IFT172: variants seen among roughly 807,000 people sequenced by gnomAD.
IFT172 encodes the protein intraflagellar transport 172.
IFT172 carries 164 observed loss-of-function variants against 248.9 expected under a neutral mutation model. The observed-to-expected ratio is 0.66, with a 90% CI of 0.58 to 0.75. The LOEUF (loss-of-function observed/expected upper bound fraction) is 0.75, where lower values mean the gene tolerates loss of function less well. Ranked by LOEUF, IFT172 falls within the 30% of genes least tolerant of loss-of-function variation. The pLI is 0.00. For missense variants in IFT172, 1,950 were observed against 2,192.4 expected, an observed-to-expected ratio of 0.89 and a Z score of 2.21; for synonymous variants, 729 against 791.6, an observed-to-expected ratio of 0.92 and a Z score of 1.33.
At chr2:27,472,061 T>G in intron 15 of IFT172, 189 bp downstream of exon 15, 3 of 562,898 alleles carry the variant, frequency 5.3e-6, no homozygotes, top group Non-Finnish European at 9.5e-6. Context: ...AAAGAGGTAA[T>G]AAAGGATGGG....
In IFT172 at chr2:27,481,208, T is replaced by C. The variant is rs771817287; in HGVS notation, c.623A>G (p.Asn208Ser). ...CPPYALAWAT[N>S]SIVAAGCDRK... ...ATCACAGCCTGCAGCCACGATGCTA[T>C]TGGTTGCCCATGCCAAGGCATAGGG... The change falls in exon 8 of 48, where the codon AAT becomes AGT. Residue 208 changes from asparagine to serine, a missense_variant. Coordinates refer to ENST00000260570, the MANE Select transcript of IFT172 (RefSeq NM_015662.3). 28 of 1,612,730 alleles carry C rather than the reference T, an allele frequency of 1.7e-5. No individual in the cohort carries two copies. The highest frequency in any genetic ancestry group is 3.9e-4 in the Middle Eastern group (2 of 5,086).
chr2:27,485,969 T>G (rs1668744956), intron 1 of IFT172, among the ~76,000 whole-genome samples: 1 of 152,164 alleles, frequency 6.6e-6, no homozygotes, highest in African/African-American at 2.4e-5. Context: ...AAAAGTCCTA[T>G]TAAAGTATGT....
chr2:27,453,959 T>C, intron 33 of IFT172, 23 bp downstream of exon 33: 16 of 1,597,114 alleles, frequency 1.0e-5, no homozygotes, highest in Non-Finnish European at 1.4e-5. Context: ...CCTCCCCTCA[T>C]GGCCCTGCAT....
At chr2:27,478,639 T>C (rs1668136210) in intron 10 of IFT172, among the ~76,000 whole-genome samples, 2 of 152,254 alleles carry the variant, frequency 1.3e-5, no homozygotes, top group African/African-American at 4.8e-5. Flanking sequence ...CTGTGTCCTC[T>C]GTTATAATGA....
intron 1 of IFT172, 88 bp from the exon 2 acceptor site, chr2:27,485,591 T>TG: frequency 6.8e-7 from 1 of 1,465,044 alleles, no homozygotes; most frequent in Non-Finnish European, 9.3e-7. Flanking sequence ...AGTGTAATAC[T>TG]GGTCAATTTT....
At chr2:27,452,145 C>G (rs1665735052) in intron 35 of IFT172, among the ~76,000 whole-genome samples, 1 of 152,092 alleles carries the variant, frequency 6.6e-6, no homozygotes, top group East Asian at 1.9e-4. Flanking sequence ...GCAAATTGCC[C>G]TCTCTACTGT....
Position 27,455,146 on chromosome 2 carries a change from C to T in IFT172, c.3372-486G>A. On this transcript the variant is annotated intron_variant, in intron 30 of 47. Coordinates refer to ENST00000260570, the MANE Select transcript of IFT172 (RefSeq NM_015662.3). The stretch of plus-strand genomic sequence containing the variant: ...CTTTGCTCTTTTGGCTATCTTTCTG[C>T]ACCGCCGCAATAGTGCGCATGAATG... 3 of 271,376 alleles carry T rather than the reference C, an allele frequency of 1.1e-5. No individual in the cohort carries two copies. The South Asian group carries it at 1.2e-4, about 10-fold the overall frequency. The allele number at this position is 271,376 out of a possible 1,614,324, so 16.8% of individuals were successfully genotyped here. A position where few individuals can be genotyped will look rare whatever the true frequency, so the allele number is the denominator to read the frequency against.
chr2:27,463,527 CTCT>C (rs1421752114), intron 18 of IFT172, among the ~76,000 whole-genome samples: 8 of 134,548 alleles, frequency 5.9e-5, no homozygotes, highest in Non-Finnish European at 6.3e-5. Context: ...TGATTCTTTT[CTCT>C]TTTTTTTTTT....
Position 27,483,346 on chromosome 2 carries a change from A to T in IFT172, c.513T>A (p.His171Gln). Reference protein sequence around the residue: ...NCSGKGILSGHADGTIVRYFF... With the variant: ...NCSGKGILSGQADGTIVRYFF... ...AATACCTAACGATGGTACCATCTGC[A>T]TGACCAGAGAGAATTCCTTTCCCAG... The change falls in exon 7 of 48, where the codon CAT becomes CAA. Residue 171 changes from histidine to glutamine, a missense_variant. By Grantham distance (24) the His-to-Gln change is conservative. Transcript: ENST00000260570. The T allele has an allele frequency of 1.2e-6, 2 of 1,607,936 alleles. No homozygotes were observed. Among genetic ancestry groups the T allele is most frequent in the Non-Finnish European group, 1.7e-6 (2 of 1,174,344 alleles).
Position 27,478,083 on chromosome 2 carries a change from AC to A in IFT172, c.1078del (p.Val360Ter), listed in dbSNP as rs1453282096. 1.9e-6 allele frequency: 3 copies of A among 1,613,942 alleles called. No individual in the cohort carries two copies. In the Admixed American group the frequency reaches 5.0e-5, roughly 27 times the overall value. ...GTAACGTTCCTTTCCTAGGATTTTC[AC>A]CTCTTCCACCTCATAGCCATAGTGT... ...KSHYGYEVEE[V>X]KILGKERYLV... On this transcript the variant is annotated frameshift_variant, in exon 11 of 48. Transcript: ENST00000260570. LOFTEE classifies it high-confidence loss of function.
intron 35 of IFT172, among the ~76,000 whole-genome samples, chr2:27,450,779 T>TG (rs1299588408): frequency 6.6e-6 from 1 of 151,906 alleles, no homozygotes; most frequent in Non-Finnish European, 1.5e-5. Context: ...TTAGTAGAGA[T>TG]GGGGTTTCAC....
At chr2:27,484,963 C>A (rs1298122888) in intron 3 of IFT172, 55 bp downstream of exon 3, 3 of 1,032,996 alleles carry the variant, frequency 2.9e-6, no homozygotes, top group African/African-American at 3.2e-5. Flanking sequence ...TGAGGCATTT[C>A]TCTTGCCTTC....
intron 19 of IFT172, 145 bp downstream of exon 19, chr2:27,462,952 T>G (rs561689281): frequency 1.8e-6 from 2 of 1,134,686 alleles, no homozygotes; most frequent in South Asian, 1.4e-5. Context: ...AAAGCAATTC[T>G]GAAATGGTCT....
At chr2:27,447,723 A>T in intron 41 of IFT172, 89 bp from the exon 42 acceptor site, 1 of 1,606,990 alleles carries the variant, frequency 6.2e-7, no homozygotes, top group Non-Finnish European at 8.5e-7. Context: ...TGGCAGAGGA[A>T]GGTAAAATAC....
Position 27,454,810 on chromosome 2 carries a change from A to G in IFT172, c.3372-150T>C, listed in dbSNP as rs552988689. Reference sequence around the variant, plus strand: ...TGAAGTGACAGAAAAGCGTGGAGAGATAAAAAGGAAGACGGGCAGGCAGCC... The same window carrying G: ...TGAAGTGACAGAAAAGCGTGGAGAGGTAAAAAGGAAGACGGGCAGGCAGCC... On this transcript the variant is annotated intron_variant, in intron 30 of 47. Coordinates refer to ENST00000260570, the MANE Select transcript of IFT172 (RefSeq NM_015662.3). This position sits in a 1 kb window ranked among gnomAD's most constrained non-coding sequence, Gnocchi z 4.2. 7.2e-6 allele frequency: 5 copies of G among 697,806 alleles called. No individual in the cohort carries two copies. The Admixed American group carries it at 1.0e-4, about 14-fold the overall frequency. The allele number at this position is 697,806 out of a possible 1,614,324, so 43.2% of individuals were successfully genotyped here.
chr2:27,461,281 T>G lies in IFT172; in HGVS notation c.2430A>C (p.Glu810Asp), dbSNP rs373768002. Residue 810 changes from glutamate to aspartate, a missense_variant, in exon 22 of 48, where the codon GAA becomes GAC. Glu to Asp is a conservative substitution (Grantham distance 45). Transcript: ENST00000260570. ...GAAGCCAGCATACCCTTTCGTAGAG[T>G]TCCCCCTTGATAAGGGCTGCAGTGA... ...EHITAALIKG[E>D]LYERAGDLFE... The G allele has an allele frequency of 7.2e-5, 117 of 1,613,890 alleles. No homozygotes were observed. Among genetic ancestry groups the G allele is most frequent in the Non-Finnish European group, 9.7e-5 (115 of 1,179,982 alleles).
At chr2:27,471,746 A>C (rs930054348) in intron 15 of IFT172, 3 of 173,250 alleles carry the variant, frequency 1.7e-5, no homozygotes, top group Admixed American at 5.9e-5. Context: ...GTCATACAGG[A>C]TTGCTGGGCG....
intron 33 of IFT172, 53 bp from the exon 34 acceptor site, chr2:27,453,792 A>C: frequency 1.3e-6 from 2 of 1,517,524 alleles, no homozygotes; most frequent in African/African-American, 2.8e-5. Flanking sequence ...ACAGCTTCCC[A>C]CTGCCACACA....
chr2:27,448,772 T>C, intron 40 of IFT172, 143 bp downstream of exon 40: 1 of 668,916 alleles, frequency 1.5e-6, no homozygotes, highest in South Asian at 1.8e-5. Context: ...GGCTGTACAT[T>C]TCTGGAGATG....
Sources: allele counts gnomAD v4.1 joint callset (sites outside exome capture counted in the v4.1 genomes callset), GRCh38; gene constraint gnomAD v4.1.1; non-coding constraint Gnocchi (gnomAD v3.1); transcripts MANE v1.5; gene names NCBI Gene and HGNC (gene_info 2026-07-23, HGNC 2026-07-21).